The following CHTF18 variants were observed in gnomAD, a reference collection of about 807,000 sequenced individuals.
The protein encoded by CHTF18 is chromosome transmission fidelity factor 18.
In CHTF18, 151 loss-of-function variants were observed where a neutral mutation model predicts 113.4. The ratio of observed to expected loss-of-function variants is 1.33; its 90% CI spans 1.17 to 1.52. The LOEUF (loss-of-function observed/expected upper bound fraction) is 1.52. CHTF18 is among the 40% of genes most tolerant of loss of function. The pLI is 0.00. For missense variants in CHTF18, 1,982 were observed against 1,381.6 expected, an observed-to-expected ratio of 1.43 and a Z score of -6.89; for synonymous variants, 916 against 598.8, an observed-to-expected ratio of 1.53 and a Z score of -7.74.
intron 19 of CHTF18, 34 bp downstream of exon 19, chr16:796,895 T>G (rs1330583618): frequency 1.3e-6 from 2 of 1,567,482 alleles, no homozygotes; most frequent in Non-Finnish European, 1.7e-6. Flanking sequence ...CAGGTTGCAG[T>G]CTGGGCGTGC....
rs201682101 is a variant in CHTF18 at position 789,627 on chromosome 16, T to C, written c.518T>C (p.Ile173Thr). The change falls in exon 4 of 22, where the codon ATC becomes ACC. Residue 173 changes from isoleucine (I) to threonine (T), a missense_variant. Ile to Thr is a moderately conservative substitution (Grantham distance 89). Coordinates refer to ENST00000262315, the MANE Select transcript of CHTF18 (RefSeq NM_022092.3). ...ARNPVLRRPP[I>T]LEDYVHVTST... ...AATCCCGTCCTGAGGCGGCCCCCCATCTTGGAGGACTACGTCCACGTGACA... is the reference window on the plus strand; with the variant it reads ...AATCCCGTCCTGAGGCGGCCCCCCACCTTGGAGGACTACGTCCACGTGACA... 4,741 of 1,608,274 alleles carry C rather than the reference T, an allele frequency of 2.9e-3. 11 individuals carry two copies. Among genetic ancestry groups the C allele is most frequent in the Non-Finnish European group, 3.7e-3 (4,372 of 1,179,722 alleles).
Position 790,162 on chromosome 16 carries a change from C to T in CHTF18, c.607-15C>T, listed in dbSNP as rs776009982. 73 of 1,581,638 alleles carry T rather than the reference C, an allele frequency of 4.6e-5. No individual in the cohort carries two copies. Among genetic ancestry groups the T allele is most frequent in the Non-Finnish European group, 5.9e-5 (69 of 1,165,246 alleles). On this transcript the variant is annotated splice_polypyrimidine_tract_variant and intron_variant, in intron 4 of 21. Transcript: ENST00000262315. ...TAGGAGGGGCCCAGAGGCAATTGTC[C>T]TCCCTTCCCCACAGGGCTCTCTCCT...
chr16:788,847 G>T (rs1282655913), intron 1 of CHTF18, 72 bp downstream of exon 1: 2 of 1,525,110 alleles, frequency 1.3e-6, no homozygotes, highest in African/African-American at 1.4e-5. Context: ...GGGAGGGCGT[G>T]CCGGGGGCCG....
intron 11 of CHTF18, 22 bp from the exon 12 acceptor site, chr16:792,696 T>C: frequency 1.3e-6 from 2 of 1,574,234 alleles, no homozygotes; most frequent in African/African-American, 1.3e-5. Context: ...CTGGGGTCCC[T>C]GGCCCTGCCG....
intron 5 of CHTF18, 31 bp from the exon 6 acceptor site, chr16:790,316 C>CT (rs2042158637): frequency 6.2e-7 from 1 of 1,611,254 alleles, no homozygotes; most frequent in Admixed American, 1.7e-5. Flanking sequence ...GCCGCCTGAG[C>CT]CCTCCTGATT....
intron 1 of CHTF18, 55 bp from the exon 2 acceptor site, chr16:788,876 C>T: frequency 1.3e-6 from 2 of 1,504,134 alleles, no homozygotes; most frequent in South Asian, 1.3e-5. Context: ...TCCACGTCGC[C>T]GCTGGCGGGA....
At chr16:791,807 T>A (rs1477106826) in intron 8 of CHTF18, 44 bp from the exon 9 acceptor site, 7 of 1,559,184 alleles carry the variant, frequency 4.5e-6, no homozygotes, top group Middle Eastern at 3.4e-4. Context: ...GGGAGCGTCC[T>A]GTAGGTGCGG....
At chr16:794,892 G>C in intron 15 of CHTF18, 2 of 553,324 alleles carry the variant, frequency 3.6e-6, no homozygotes, top group South Asian at 4.3e-5. Flanking sequence ...TCTCTGTCAA[G>C]CTGTAGCGAG....
chr16:789,909 G>A (rs1182006856), intron 4 of CHTF18, 194 bp downstream of exon 4: 17 of 1,452,768 alleles, frequency 1.2e-5, no homozygotes, highest in Non-Finnish European at 1.6e-5. Context: ...TGTCCAGCCT[G>A]TTTGTATGGC....
In CHTF18 at chr16:788,747, C is replaced by T. The variant is rs754756926; in HGVS notation, c.63C>T (p.Ala21=). The change falls in exon 1 of 22, where the codon GCC becomes GCT. Residue 21 remains alanine, a synonymous_variant. Transcript: ENST00000262315. The part of the protein sequence containing the change: ...VEDDFHNQFA[A]ELEVLAELEG... ...ATGATTTCCACAACCAGTTCGCGGC[C>T]GAGCTGGAGGTGCTGGCAGAGCTGG... is the stretch of plus-strand genomic sequence containing the variant. The T allele has an allele frequency of 6.2e-7, 1 of 1,601,372 alleles. No individual in the cohort carries two copies. The highest frequency in any genetic ancestry group is 8.5e-7 in the Non-Finnish European group (1 of 1,175,218).
At chr16:792,063 G>T in intron 9 of CHTF18, 115 bp downstream of exon 9, 1 of 1,538,760 alleles carries the variant, frequency 6.5e-7, no homozygotes, top group African/African-American at 1.4e-5. Flanking sequence ...TGGGGGCCTG[G>T]GTGTGTGGGC....
At chr16:790,009 G>A (rs909145888) in intron 4 of CHTF18, 168 bp from the exon 5 acceptor site, 2 of 1,535,284 alleles carry the variant, frequency 1.3e-6, no homozygotes, top group African/African-American at 2.7e-5. Context: ...CTTTGCAGCT[G>A]ACCCATCTGG....
Position 790,793 on chromosome 16 carries a change from C to T in CHTF18, c.894+127C>T, listed in dbSNP as rs1047225812. 1.4e-5 allele frequency: 20 copies of T among 1,436,224 alleles called. No individual in the cohort carries two copies. The East Asian group carries it at 1.5e-4, about 11-fold the overall frequency. The allele number at this position is 1,436,224 out of a possible 1,614,324, so 89.0% of individuals were successfully genotyped here. On this transcript the variant is annotated intron_variant, in intron 7 of 21. Coordinates refer to ENST00000262315, the MANE Select transcript of CHTF18 (RefSeq NM_022092.3). Reference sequence around the variant, plus strand: ...GAGACGGAGTGGGCTCTGGTTTGCCCTTTTGAGTTGTAGGTGGTGAACTGA... The same window carrying T: ...GAGACGGAGTGGGCTCTGGTTTGCCTTTTTGAGTTGTAGGTGGTGAACTGA...
Position 790,524 on chromosome 16 carries a change from G to T in CHTF18, c.753-1G>T. The T allele has an allele frequency of 1.2e-6, 2 of 1,601,918 alleles. No individual in the cohort carries two copies. Among genetic ancestry groups the T allele is most frequent in the Non-Finnish European group, 1.7e-6 (2 of 1,175,214 alleles). ...GTGGCTCAGGACGTGGTCCTCTCCA[G>T]TCTCAGGTCGGGGGAGGAGGAGGCA... On this transcript the variant is annotated splice_acceptor_variant, in intron 6 of 21. Coordinates refer to ENST00000262315, the MANE Select transcript of CHTF18 (RefSeq NM_022092.3). LOFTEE classifies it high-confidence loss of function.
Position 795,224 on chromosome 16 carries a change from G to C in CHTF18, c.2043G>C (p.Leu681=), listed in dbSNP as rs201684077. 2.9e-3 allele frequency: 4,572 copies of C among 1,551,228 alleles called. 8 individuals carry two copies. Among genetic ancestry groups the C allele is most frequent in the Non-Finnish European group, 3.6e-3 (4,123 of 1,147,804 alleles). ...TCGACTGGCTGGCCTTCGATGACCTGCTGGCGGGGGCTGCTCATCACAGCC... is the reference window on the plus strand; with the variant it reads ...TCGACTGGCTGGCCTTCGATGACCTCCTGGCGGGGGCTGCTCATCACAGCC... ...VALDWLAFDD[L]LAGAAHHSQS... is the part of the protein sequence containing the mutation. Residue 681 remains leucine, a synonymous_variant, in exon 16 of 22, where the codon CTG becomes CTC. Transcript: ENST00000262315.
At position 789,789 on chromosome 16, in the gene CHTF18, C is replaced by G. The variant is rs527639676; in HGVS notation, c.606+74C>G. 1.1e-5 allele frequency: 16 copies of G among 1,458,432 alleles called. No homozygotes were observed. The Admixed American group carries it at 2.8e-4, about 25-fold the overall frequency. 90.3% of individuals were successfully genotyped at this position (1,458,432 alleles called of 1,614,324 possible). A position where few individuals can be genotyped will look rare whatever the true frequency, so the allele number is the denominator to read the frequency against. ...GGAAAGGGTCCTTGGAGCCCCTCAC[C>G]CCTGCCATTTGCTTAAAGCGGGTCC... On this transcript the variant is annotated intron_variant, in intron 4 of 21. Coordinates refer to ENST00000262315, the MANE Select transcript of CHTF18 (RefSeq NM_022092.3).
At chr16:789,941 T>C (rs531681983) in intron 4 of CHTF18, 1 of 1,504,034 alleles carries the variant, frequency 6.6e-7, no homozygotes, top group African/African-American at 1.5e-5. Flanking sequence ...AGGGCCTCCT[T>C]GCTTCCCCTC....
chr16:797,139 G>A (rs2042372807), intron 20 of CHTF18, 47 bp downstream of exon 20: 1 of 1,470,926 alleles, frequency 6.8e-7, no homozygotes. Context: ...ACATACCTTT[G>A]GGGGTGTGGC....
At chr16:793,367 G>C in intron 14 of CHTF18, 93 bp downstream of exon 14, 1 of 1,474,616 alleles carries the variant, frequency 6.8e-7, no homozygotes, top group Non-Finnish European at 9.1e-7. Context: ...CCTTCGAGGC[G>C]GGGACTCAGT....
Sources: allele counts gnomAD v4.1 joint callset, GRCh38; gene constraint gnomAD v4.1.1; transcripts MANE v1.5; gene names NCBI Gene and HGNC (gene_info 2026-07-23, HGNC 2026-07-21).